Variants in CHRNA1 observed in about 807,000 individuals in gnomAD.
CHRNA1 encodes the protein cholinergic receptor nicotinic alpha 1 subunit, also known as acetylcholine receptor subunit alpha.
Under a neutral mutation model 47.1 loss-of-function variants are expected in CHRNA1, and 35 were observed. The ratio of observed to expected loss-of-function variants is 0.74; its 90% confidence interval spans 0.57 to 0.99. CHRNA1 has a LOEUF of 0.99. Among genes scored for constraint, CHRNA1 ranks in the 50% least tolerant of loss-of-function variants. The pLI is 0.00. For missense variants in CHRNA1, 506 were observed against 591.1 expected, an observed-to-expected ratio of 0.86 and a Z score of 1.49; for synonymous variants, 229 against 223.6, an observed-to-expected ratio of 1.02 and a Z score of -0.22.
chr2:174,757,921 C>G, intron 3 of CHRNA1: 1 of 1,318,874 alleles, frequency 7.6e-7, no homozygotes, highest in Non-Finnish European at 1.1e-6. Flanking sequence ...CACAACAATC[C>G]CGTGAGGGGA....
intron 3 of CHRNA1, 23 bp from the exon 4 acceptor site, chr2:174,757,698 A>C (rs1385298330): frequency 6.3e-7 from 1 of 1,597,532 alleles, no homozygotes; most frequent in Non-Finnish European, 8.6e-7. Context: ...ACATACAGCT[A>C]ATTAAAAAGC....
chr2:174,755,608 C>T (rs1039383210), intron 4 of CHRNA1, among the ~76,000 whole-genome samples: 1 of 152,042 alleles, frequency 6.6e-6, no homozygotes, highest in East Asian at 1.9e-4. Flanking sequence ...TTAGTAGAGA[C>T]GGGGTTTCAC....
At position 174,759,328 on chromosome 2, in the gene CHRNA1, T is replaced by A. The variant is rs755273596; in HGVS notation, c.234+3A>T. 1.2e-6 allele frequency: 2 copies of A among 1,614,168 alleles called. No individual in the cohort carries two copies. Among genetic ancestry groups the A allele is most frequent in the South Asian group, 2.2e-5 (2 of 91,082 alleles). On this transcript the variant is annotated splice_donor_region_variant and intron_variant, in intron 3 of 8. Transcript: ENST00000348749. Reference sequence around the variant, plus strand: ...CACACATGCAATTATCTGGCTAAGTTACCTGTTTCAGACGCACATTGGTTG... The same window carrying A: ...CACACATGCAATTATCTGGCTAAGTAACCTGTTTCAGACGCACATTGGTTG...
Position 174,753,699 on chromosome 2 carries a change from C to T in CHRNA1, c.582G>A (p.Gly194=). 1 of 1,614,072 alleles carries T rather than the reference C, an allele frequency of 6.2e-7. No individual in the cohort carries two copies. The highest frequency in any genetic ancestry group is 8.5e-7 in the Non-Finnish European group (1 of 1,180,014). ...CCCGGGACTCCTTGATCACCCACTC[C>T]CCGCTCTCCATGAAGTTGCTCAGGT... ...QPDLSNFMES[G]EWVIKESRGW... is the part of the protein sequence containing the mutation. The change falls in exon 6 of 9, where the codon GGG becomes GGA. Residue 194 remains glycine (G), a synonymous_variant. Coordinates refer to ENST00000348749, the MANE Select transcript of CHRNA1 (RefSeq NM_000079.4).
chr2:174,753,767 T>G (rs1331045608), intron 5 of CHRNA1, 27 bp from the exon 6 acceptor site: 1 of 1,610,828 alleles, frequency 6.2e-7, no homozygotes, highest in Admixed American at 1.7e-5. Context: ...GGTTTGGAAA[T>G]CCCAGGCAGG....
At chr2:174,748,508 A>T in intron 8 of CHRNA1, 72 bp downstream of exon 8, 1 of 1,564,250 alleles carries the variant, frequency 6.4e-7, no homozygotes, top group East Asian at 2.3e-5. Context: ...TTGTTAAGTC[A>T]GACTCACCAC....
intron 5 of CHRNA1, 47 bp from the exon 6 acceptor site, chr2:174,753,787 T>G: frequency 6.4e-7 from 1 of 1,574,622 alleles, no homozygotes; most frequent in Non-Finnish European, 8.7e-7. Flanking sequence ...GTCACCCTGA[T>G]GAGGGGCAGC....
Position 174,754,089 on chromosome 2 carries a change from T to C in CHRNA1, c.540+130A>G, listed in dbSNP as rs750989096. The C allele has an allele frequency of 6.2e-5, 55 of 889,114 alleles. 1 individual carries two copies. The highest frequency in any genetic ancestry group is 8.0e-5 in the Non-Finnish European group (44 of 546,762). 55.1% of individuals were successfully genotyped at this position (889,114 alleles called of 1,614,324 possible). On this transcript the variant is annotated intron_variant, in intron 5 of 8. Coordinates refer to ENST00000348749, the MANE Select transcript of CHRNA1 (RefSeq NM_000079.4). ...ATTTAGTTCTCCCTTCCCAATCAAC[T>C]TGAACCATCAAACTAGATGATTCCT... is the stretch of plus-strand genomic sequence containing the variant.
At chr2:174,761,534 C>G (rs770504435) in intron 1 of CHRNA1, among the ~76,000 whole-genome samples, 2 of 152,140 alleles carry the variant, frequency 1.3e-5, no homozygotes, top group Non-Finnish European at 2.9e-5. Context: ...AGGCTGGTCT[C>G]AAACTCCTGA....
rs756006671 is a variant in CHRNA1, at chr2:174,748,616, G to T, written c.1206C>A (p.Ile402=). Residue 402 remains isoleucine (I), a synonymous_variant, in exon 8 of 9, where the codon ATC becomes ATA. Transcript: ENST00000348749. The part of the protein sequence containing the change: ...VKSAIEGIKY[I]AETMKSDQES... ...CCTGGTCTGACTTCATGGTCTCTGC[G>T]ATGTACTTGATGCCCTCGATGGCAC... 1.2e-6 allele frequency: 2 copies of T among 1,613,970 alleles called. No homozygotes were observed. The highest frequency in any genetic ancestry group is 3.3e-5 in the Admixed American group (2 of 60,004).
At chr2:174,753,217 G>C in intron 6 of CHRNA1, 1 of 609,620 alleles carries the variant, frequency 1.6e-6, no homozygotes, top group South Asian at 1.9e-5. Flanking sequence ...TTGGTATTCA[G>C]CAAATAGGTA....
In CHRNA1 at chr2:174,747,906, G is replaced by A. The variant is rs79539026; in HGVS notation, c.*218C>T. The A allele has an allele frequency of 1.9e-3, 1,075 of 574,560 alleles. 14 individuals are homozygous for A. Among genetic ancestry groups the A allele is most frequent in the African/African-American group, 0.018 (968 of 53,334 alleles). The allele number at this position is 574,560 out of a possible 1,614,324, so 35.6% of individuals were successfully genotyped here. A position where few individuals can be genotyped will look rare whatever the true frequency, so the allele number is the denominator to read the frequency against. On this transcript the variant is annotated 3_prime_UTR_variant, in exon 9 of 9. Coordinates refer to ENST00000348749, the MANE Select transcript of CHRNA1 (RefSeq NM_000079.4). ...TGATTAGTTTCATTTACTAAAGAGG[G>A]TTCACTCTTCAGGGAGACAGCAGAA...
chr2:174,748,660 T>G lies in CHRNA1; in HGVS notation c.1162A>C (p.Lys388Gln), dbSNP rs202090282. Reference protein sequence around the residue: ...PPMGFHSPLIKHPEVKSAIEG... With the variant: ...PPMGFHSPLIQHPEVKSAIEG... Reference sequence around the variant, plus strand: ...ATGGCACTTTTCACCTCGGGGTGTTTGATCAGGGGAGAGTGGAAGCCCATG... The same window carrying G: ...ATGGCACTTTTCACCTCGGGGTGTTGGATCAGGGGAGAGTGGAAGCCCATG... The change falls in exon 8 of 9, where the codon AAA (lysine) becomes CAA (glutamine). Residue 388 changes from lysine to glutamine, a missense_variant. Coordinates refer to ENST00000348749, the MANE Select transcript of CHRNA1 (RefSeq NM_000079.4). 9 of 1,614,200 alleles carry G rather than the reference T, an allele frequency of 5.6e-6. No homozygotes were observed. The Admixed American group carries it at 6.7e-5, about 12-fold the overall frequency.
intron 1 of CHRNA1, among the ~76,000 whole-genome samples, chr2:174,760,830 G>T (rs1477097786): frequency 6.6e-6 from 1 of 152,176 alleles, no homozygotes; most frequent in African/African-American, 2.4e-5. Flanking sequence ...GGGGCTCCTA[G>T]TTGGAACATA....
chr2:174,749,843 T>C, intron 7 of CHRNA1, 103 bp downstream of exon 7: 1 of 1,022,764 alleles, frequency 9.8e-7, no homozygotes, highest in African/African-American at 1.6e-5. Flanking sequence ...GAGAACTTAG[T>C]TCCTAAATAG....
At chr2:174,764,278 AC>A (rs1206216208) in intron 1 of CHRNA1, 73 bp downstream of exon 1, 5 of 1,486,698 alleles carry the variant, frequency 3.4e-6, no homozygotes, top group Admixed American at 1.8e-5. Context: ...AAGAAGCAAG[AC>A]TTTGATTTGG....
At chr2:174,763,328 GCGCA>G (rs57517419) in intron 1 of CHRNA1, among the ~76,000 whole-genome samples, 56,606 of 121,346 alleles carry the variant, frequency 0.47, 11,542 homozygotes, top group Non-Finnish European at 0.56. Flanking sequence ...GTGCACGCGC[GCGCA>G]CACACACACA....
At chr2:174,758,024 T>G in intron 3 of CHRNA1, 1 of 1,614,062 alleles carries the variant, frequency 6.2e-7, no homozygotes, top group Non-Finnish European at 8.5e-7. Context: ...TGTCACCCTG[T>G]CCACCCACAG....
At chr2:174,759,204 C>T in intron 3 of CHRNA1, 127 bp downstream of exon 3, 2 of 1,081,432 alleles carry the variant, frequency 1.8e-6, no homozygotes, top group East Asian at 5.0e-5. Flanking sequence ...ATGCTTTCAC[C>T]ATCTCAAAAT....
Sources: allele counts gnomAD v4.1 joint callset (sites outside exome capture counted in the v4.1 genomes callset), GRCh38; gene constraint gnomAD v4.1.1; transcripts MANE v1.5; gene names NCBI Gene and HGNC (gene_info 2026-07-23, HGNC 2026-07-21).